SMARCC1: variants seen among roughly 807,000 people sequenced by gnomAD.
The protein encoded by SMARCC1 is SWI/SNF complex subunit SMARCC1.
A neutral mutation model predicts 147.4 loss-of-function variants in SMARCC1; 43 were observed. That is an observed-to-expected ratio of 0.29 (90% CI 0.23 to 0.38). The LOEUF is 0.38. Among genes scored for constraint, SMARCC1 ranks in the 10% least tolerant of loss-of-function variants. The probability of loss-of-function intolerance (pLI) is 1.00; values close to 1 mark genes in which losing one functional copy is unlikely to be tolerated. For synonymous variants in SMARCC1, 495 were observed against 484.4 expected, an observed-to-expected ratio of 1.02 and a Z score of -0.29; for missense variants, 1,119 against 1,381.1, an observed-to-expected ratio of 0.81 and a Z score of 3.01.
chr3:47,735,806 C>T (rs556241232), intron 5 of SMARCC1, among the ~76,000 whole-genome samples: 9 of 150,268 alleles, frequency 6.0e-5, no homozygotes, highest in African/African-American at 2.2e-4. Context: ...TCCAAAGCTA[C>T]AGTGAGCAAG....
chr3:47,635,291 C>G lies in SMARCC1; in HGVS notation c.2545G>C (p.Glu849Gln). Residue 849 changes from glutamate (E) to glutamine (Q), a missense_variant, in exon 24 of 28, where the codon GAA (glutamate) becomes CAA (glutamine). Coordinates refer to ENST00000254480, the MANE Select transcript of SMARCC1 (RefSeq NM_003074.4). ...ACTTTCTTCTTCCCAGTATCACTTT[C>G]TCTTTCTTTACATGTATCAGTGAGT... ...KELTDTCKER[E>Q]SDTGKKKVEH... 6.2e-7 allele frequency: 1 copy of G among 1,612,980 alleles called. No individual in the cohort carries two copies. Among genetic ancestry groups the G allele is most frequent in the African/African-American group, 1.3e-5 (1 of 75,026 alleles).
In SMARCC1 at chr3:47,729,041, A is replaced by G; in HGVS notation, c.630T>C (p.Ser210=). 6.2e-7 allele frequency: 1 copy of G among 1,610,322 alleles called. No homozygotes were observed. Among genetic ancestry groups the G allele is most frequent in the Admixed American group, 1.7e-5 (1 of 59,856 alleles). Residue 210 remains serine, a synonymous_variant, in exon 6 of 28, where the codon TCT becomes TCC. Coordinates refer to ENST00000254480, the MANE Select transcript of SMARCC1 (RefSeq NM_003074.4). ...SKASHHIYPY[S]SSQDDEEWLR... is the part of the protein sequence containing the mutation. ...CTAACTTACCATCGTCTTGTGAGGA[A>G]GAATATGGGTAAATGTGGTGGGAAG...
At chr3:47,760,288 G>A (rs549749704) in intron 2 of SMARCC1, among the ~76,000 whole-genome samples, 1 of 152,258 alleles carries the variant, frequency 6.6e-6, no homozygotes, top group Non-Finnish European at 1.5e-5. Flanking sequence ...TTCCAGCCTG[G>A]GCAACAGAGA....
chr3:47,665,811 G>A (rs1321647430), intron 19 of SMARCC1, among the ~76,000 whole-genome samples: 1 of 151,878 alleles, frequency 6.6e-6, no homozygotes, highest in Non-Finnish European at 1.5e-5. Flanking sequence ...CCCAGGTTCA[G>A]GTCTTCATCA....
chr3:47,675,165 G>A (rs2033553182), intron 18 of SMARCC1, among the ~76,000 whole-genome samples: 1 of 152,078 alleles, frequency 6.6e-6, no homozygotes, highest in African/African-American at 2.4e-5. Flanking sequence ...TCACTAACCT[G>A]TCTTCTGCTG....
intron 22 of SMARCC1, among the ~76,000 whole-genome samples, chr3:47,637,201 CTT>C (rs900900482): frequency 3.3e-5 from 5 of 152,104 alleles, no homozygotes; most frequent in African/African-American, 1.2e-4. Flanking sequence ...AGCTGAGACT[CTT>C]TTAGGAATTA....
intron 27 of SMARCC1, among the ~76,000 whole-genome samples, chr3:47,588,699 T>TCCCCC (rs769849851): frequency 3.5e-5 from 4 of 115,426 alleles, no homozygotes; most frequent in African/African-American, 1.5e-4. Context: ...TTGTTTTTCT[T>TCCCCC]CCCGCCCCCC....
chr3:47,722,029 G>C (rs750141874), intron 6 of SMARCC1, among the ~76,000 whole-genome samples: 8 of 151,836 alleles, frequency 5.3e-5, no homozygotes, highest in African/African-American at 9.7e-5. Flanking sequence ...CAAAACAAAA[G>C]GTGAAAATGA....
chr3:47,770,631 A>G (rs2034901648), intron 2 of SMARCC1, among the ~76,000 whole-genome samples: 1 of 152,150 alleles, frequency 6.6e-6, no homozygotes, highest in African/African-American at 2.4e-5. Context: ...TCCAAAAAAA[A>G]GATCAGCCTA....
chr3:47,699,833 T>C (rs2106785896), intron 11 of SMARCC1, among the ~76,000 whole-genome samples: 1 of 152,250 alleles, frequency 6.6e-6, no homozygotes, highest in South Asian at 2.1e-4. Context: ...TAACTCATCT[T>C]ACTTTTAGAT....
chr3:47,713,364 A>G (rs2034115459), intron 8 of SMARCC1, among the ~76,000 whole-genome samples: 1 of 151,762 alleles, frequency 6.6e-6, no homozygotes, highest in Non-Finnish European at 1.5e-5. Context: ...TAAATAAAAG[A>G]TAAATCTGGA....
At chr3:47,634,918 T>C (rs1450703370) in intron 24 of SMARCC1, among the ~76,000 whole-genome samples, 1 of 152,222 alleles carries the variant, frequency 6.6e-6, no homozygotes, top group Non-Finnish European at 1.5e-5. Flanking sequence ...ATCAGTTCCT[T>C]AAAGAGACTT....
At chr3:47,615,450 T>C (rs764281198) in intron 25 of SMARCC1, among the ~76,000 whole-genome samples, 1 of 152,222 alleles carries the variant, frequency 6.6e-6, no homozygotes, top group Non-Finnish European at 1.5e-5. Flanking sequence ...TGGGCCTTTC[T>C]TACAAATCAT....
intron 15 of SMARCC1, among the ~76,000 whole-genome samples, chr3:47,679,427 T>A (rs945089751): frequency 6.6e-6 from 1 of 152,222 alleles, no homozygotes. Context: ...AAATCCTTTA[T>A]GCAATTAAGC....
At chr3:47,626,796 CT>C (rs1360646695) in intron 24 of SMARCC1, among the ~76,000 whole-genome samples, 1 of 152,106 alleles carries the variant, frequency 6.6e-6, no homozygotes, top group East Asian at 1.9e-4. Context: ...TGTCCTGTTT[CT>C]TGGAATGTTC....
At position 47,696,088 on chromosome 3, in the gene SMARCC1, G is replaced by C. The variant is rs1156688767; in HGVS notation, c.1166-2788C>G. ...TCTCAAAAAAAAAAAGGGGGGGGGG[G>C]GGCCAGGCGAGGTGGCTCATGCCTG... On this transcript the variant is annotated intron_variant, in intron 11 of 27. Coordinates refer to ENST00000254480, the MANE Select transcript of SMARCC1 (RefSeq NM_003074.4). Among the ~76,000 whole-genome samples the C allele has an allele frequency of 5.8e-5, 8 of 138,252 alleles. No homozygotes were observed. The South Asian group carries it at 7.2e-4, about 12-fold the overall frequency. The allele number at this position is 138,252 out of a possible 152,430, so 90.7% of individuals were successfully genotyped here. A position where few individuals can be genotyped will look rare whatever the true frequency, so the allele number is the denominator to read the frequency against.
intron 11 of SMARCC1, 54 bp from the exon 12 acceptor site, chr3:47,693,354 T>A (rs2033812844): frequency 1.9e-6 from 2 of 1,051,362 alleles, no homozygotes; most frequent in African/African-American, 1.6e-5. Context: ...GTACTTCTTT[T>A]TAGAAAGAAA....
intron 16 of SMARCC1, among the ~76,000 whole-genome samples, chr3:47,677,948 C>T (rs979463436): frequency 2.0e-5 from 3 of 151,776 alleles, no homozygotes; most frequent in African/African-American, 4.8e-5. Context: ...GCCAGGAGAT[C>T]GAGACCAGCC....
intron 24 of SMARCC1, among the ~76,000 whole-genome samples, chr3:47,631,184 T>C (rs1231547077): frequency 6.6e-6 from 1 of 152,002 alleles, no homozygotes; most frequent in African/African-American, 2.4e-5. Flanking sequence ...GAATGAGAAA[T>C]TGCAGAAACA....
Sources: gnomAD v4.1 joint callset for allele counts (sites outside exome capture counted in the v4.1 genomes callset) on GRCh38, gnomAD v4.1.1 for gene constraint, MANE v1.5 for transcripts, NCBI Gene and HGNC (gene_info 2026-07-23, HGNC 2026-07-21) for gene names.